ZBTB20: variants seen among roughly 807,000 people sequenced by gnomAD.
ZBTB20 encodes zinc finger and BTB domain containing 20.
A neutral mutation model predicts 56.9 loss-of-function variants in ZBTB20; 9 were observed. The ratio of observed to expected loss-of-function variants is 0.16; its 90% CI spans 0.10 to 0.28. The LOEUF (loss-of-function observed/expected upper bound fraction) is 0.28. ZBTB20 is among the 10% of genes least tolerant of loss of function. The probability of loss-of-function intolerance (pLI) is 1.00; values close to 1 mark genes in which losing one functional copy is unlikely to be tolerated. For missense variants in ZBTB20, 655 were observed against 1,003.0 expected (o/e 0.65, Z 4.69); for synonymous variants, 417 against 420.7 (o/e 0.99, Z 0.11).
intron 6 of ZBTB20, among the ~76,000 whole-genome samples, chr3:114,513,074 A>G (rs2045588772): frequency 6.6e-6 from 1 of 152,200 alleles, no homozygotes; most frequent in Non-Finnish European, 1.5e-5. Context: ...TGGTAAAAAG[A>G]ACACTAACTC....
intron 3 of ZBTB20, among the ~76,000 whole-genome samples, chr3:114,969,157 G>C (rs1021824823): frequency 3.3e-5 from 5 of 152,188 alleles, no homozygotes; most frequent in African/African-American, 1.2e-4. Context: ...AGTCTCTTTT[G>C]TTCAACAGTT....
In ZBTB20 at chr3:114,331,757, C is replaced by G. The variant is rs1384333139; in HGVS notation, c.*7248G>C. 1 of 152,120 alleles carries G rather than the reference C, an allele frequency of 6.6e-6. No homozygotes were observed. Among genetic ancestry groups the G allele is most frequent in the African/African-American group, 2.4e-5 (1 of 41,422 alleles). The allele number at this position is 152,120 out of a possible 1,614,324, so 9.4% of individuals were successfully genotyped here. ...CAGATACTGATGCACCCAACTAAGG[C>G]AACAAAGCATAAGCAGATACGTGAG... is the stretch of plus-strand genomic sequence containing the variant. On this transcript the variant is annotated 3_prime_UTR_variant, in exon 12 of 12. Transcript: ENST00000675478.
intron 5 of ZBTB20, among the ~76,000 whole-genome samples, chr3:114,697,725 C>A: frequency 6.7e-6 from 1 of 148,980 alleles, no homozygotes; most frequent in African/African-American, 2.5e-5. Flanking sequence ...ATTCAGAACA[C>A]TAAAAAGAAA....
chr3:114,859,109 G>T (rs2075374307), intron 4 of ZBTB20, among the ~76,000 whole-genome samples: 1 of 149,818 alleles, frequency 6.7e-6, no homozygotes, highest in African/African-American at 2.5e-5. Context: ...AACAGAAAAT[G>T]CCTGAAAAAT....
At chr3:114,734,334 G>A (rs1486833246) in intron 5 of ZBTB20, among the ~76,000 whole-genome samples, 2 of 151,950 alleles carry the variant, frequency 1.3e-5, no homozygotes, top group Admixed American at 1.3e-4. Flanking sequence ...ATAAGAATAA[G>A]CAGCTTTCAT....
intron 1 of ZBTB20, among the ~76,000 whole-genome samples, chr3:115,109,900 C>G (rs533706403): frequency 2.6e-5 from 4 of 151,978 alleles, no homozygotes; most frequent in Non-Finnish European, 5.9e-5. Context: ...TACCATGAAC[C>G]AGTTTGATTA....
chr3:114,589,716 A>AT (rs1489658474), intron 6 of ZBTB20, among the ~76,000 whole-genome samples: 1 of 152,050 alleles, frequency 6.6e-6, no homozygotes, highest in African/African-American at 2.4e-5. Flanking sequence ...TTTCATGTCT[A>AT]TTTTTCCCAC....
intron 3 of ZBTB20, among the ~76,000 whole-genome samples, chr3:114,934,326 G>A (rs756104821): frequency 6.6e-6 from 1 of 152,054 alleles, no homozygotes; most frequent in Non-Finnish European, 1.5e-5. Context: ...TGCTGCCCAC[G>A]ATTCCTCAAA....
At position 114,938,377 on chromosome 3, in the gene ZBTB20, G is replaced by C. The variant is rs376894581; in HGVS notation, c.-456+35989C>G. On this transcript the variant is annotated intron_variant, in intron 3 of 11. Transcript: ENST00000675478. ...CTATGTCCTGAATGGTATCACCTAGGTTTTCTTCTAGGGTTTTTATGGTTT... is the reference window on the plus strand; with the variant it reads ...CTATGTCCTGAATGGTATCACCTAGCTTTTCTTCTAGGGTTTTTATGGTTT... 2.9e-3 allele frequency among the ~76,000 whole-genome samples: 427 copies of C among 146,080 alleles called. 88 individuals carry two copies. Among genetic ancestry groups the C allele is most frequent in the African/African-American group, 0.012 (420 of 35,838 alleles).
At chr3:114,863,302 A>T (rs182276843) in intron 4 of ZBTB20, among the ~76,000 whole-genome samples, 114 of 152,244 alleles carry the variant, frequency 7.5e-4, no homozygotes, top group African/African-American at 2.4e-3. Context: ...TGTCTGAGTT[A>T]TCTATATTAG....
intron 1 of ZBTB20, among the ~76,000 whole-genome samples, chr3:115,096,303 T>C (rs34469301): frequency 0.046 from 7,078 of 152,278 alleles, 249 homozygotes; most frequent in Non-Finnish European, 0.072. Context: ...TACACAGCCA[T>C]GCAAATGAAA....
chr3:114,582,473 C>G (rs1021093917), intron 6 of ZBTB20, among the ~76,000 whole-genome samples: 17 of 151,992 alleles, frequency 1.1e-4, no homozygotes, highest in African/African-American at 4.1e-4. Flanking sequence ...CAACCTCCGC[C>G]TCCTGGGTAC....
intron 4 of ZBTB20, among the ~76,000 whole-genome samples, chr3:114,897,533 G>C (rs2074933634): frequency 6.6e-6 from 1 of 152,094 alleles, no homozygotes; most frequent in Non-Finnish European, 1.5e-5. Flanking sequence ...CTCCCTCTTT[G>C]AGATTCCAGG....
intron 7 of ZBTB20, among the ~76,000 whole-genome samples, chr3:114,434,148 T>C (rs1028607020): frequency 1.3e-5 from 2 of 152,154 alleles, no homozygotes; most frequent in Non-Finnish European, 1.5e-5. Flanking sequence ...CTTCCCACAC[T>C]AGTGTAAAAA....
chr3:114,517,909 C>G (rs1274432535), intron 6 of ZBTB20, among the ~76,000 whole-genome samples: 5 of 152,082 alleles, frequency 3.3e-5, no homozygotes, highest in Non-Finnish European at 7.4e-5. Flanking sequence ...TACTGTATAC[C>G]AGGCCCTATG....
chr3:114,679,575 C>T (rs1394803947), intron 6 of ZBTB20, among the ~76,000 whole-genome samples: 3 of 152,104 alleles, frequency 2.0e-5, no homozygotes. Context: ...AAATCAAAAT[C>T]ACAATAAGAT....
intron 10 of ZBTB20, among the ~76,000 whole-genome samples, chr3:114,369,709 A>G (rs1215835205): frequency 6.6e-6 from 1 of 152,214 alleles, no homozygotes; most frequent in Non-Finnish European, 1.5e-5. Flanking sequence ...AGGATGTCCC[A>G]TGACAATGAA....
chr3:114,993,749 C>T (rs567248759), intron 2 of ZBTB20, among the ~76,000 whole-genome samples: 5 of 151,780 alleles, frequency 3.3e-5, no homozygotes, highest in Non-Finnish European at 7.4e-5. Flanking sequence ...CTGTGGGATG[C>T]AGCTAAAGTG....
chr3:114,624,402 T>C (rs1440428512), intron 6 of ZBTB20, among the ~76,000 whole-genome samples: 1 of 148,604 alleles, frequency 6.7e-6, no homozygotes, highest in African/African-American at 2.5e-5. Context: ...GGAATGTACA[T>C]TATTGTCTCC....
Sources: allele counts gnomAD v4.1 joint callset (sites outside exome capture counted in the v4.1 genomes callset), GRCh38; gene constraint gnomAD v4.1.1; transcripts MANE v1.5; gene names NCBI Gene and HGNC (gene_info 2026-07-23, HGNC 2026-07-21).